DCAF1: variants seen among roughly 807,000 people sequenced by gnomAD.
The protein encoded by DCAF1 is DDB1- and CUL4-associated factor 1.
In DCAF1, 15 loss-of-function variants were observed where a neutral mutation model predicts 128.0. That is an observed-to-expected ratio of 0.12 (90% CI 0.08 to 0.18). DCAF1 has a LOEUF of 0.18. DCAF1 is among the 10% of genes least tolerant of loss of function. The probability of loss-of-function intolerance (pLI) is 1.00; values close to 1 mark genes in which losing one functional copy is unlikely to be tolerated. For missense variants in DCAF1, 988 were observed against 1,649.5 expected, an observed-to-expected ratio of 0.60 and a Z score of 6.95; for synonymous variants, 610 against 603.0, an observed-to-expected ratio of 1.01 and a Z score of -0.17.
chr3:51,434,836 G>A (rs1487460930), intron 9 of DCAF1, among the ~76,000 whole-genome samples: 1 of 149,064 alleles, frequency 6.7e-6, no homozygotes, highest in Non-Finnish European at 1.5e-5. Context: ...AATGTTATGG[G>A]CAAAGAGTAT....
At chr3:51,460,288 C>A (rs1553644090) in intron 6 of DCAF1, among the ~76,000 whole-genome samples, 1 of 152,162 alleles carries the variant, frequency 6.6e-6, no homozygotes, top group African/African-American at 2.4e-5. Flanking sequence ...AGAGCCAAAT[C>A]ATGAGTGAAC....
At chr3:51,404,608 T>G (rs1190717905) in intron 23 of DCAF1, among the ~76,000 whole-genome samples, 1 of 152,226 alleles carries the variant, frequency 6.6e-6, no homozygotes, top group African/African-American at 2.4e-5. Context: ...TTAGTGACTT[T>G]TTGATAAACT....
chr3:51,487,666 C>G (rs1410828949), intron 2 of DCAF1, among the ~76,000 whole-genome samples: 1 of 151,716 alleles, frequency 6.6e-6, no homozygotes, highest in Non-Finnish European at 1.5e-5. Flanking sequence ...CTTCCTTTTT[C>G]TTCTCTCCTC....
chr3:51,477,588 C>T (rs182097029), intron 3 of DCAF1, among the ~76,000 whole-genome samples: 25 of 152,098 alleles, frequency 1.6e-4, no homozygotes, highest in African/African-American at 5.3e-4. Context: ...GATCACAACA[C>T]TGTACTCCAG....
At chr3:51,497,913 G>A (rs2108609769) in intron 1 of DCAF1, among the ~76,000 whole-genome samples, 1 of 151,846 alleles carries the variant, frequency 6.6e-6, no homozygotes, top group East Asian at 1.9e-4. Context: ...AGCCGGGCGT[G>A]GTGGCAGGCA....
At chr3:51,492,248 C>T (rs540725871) in intron 2 of DCAF1, among the ~76,000 whole-genome samples, 1 of 151,874 alleles carries the variant, frequency 6.6e-6, no homozygotes, top group Non-Finnish European at 1.5e-5. Context: ...GAAAATGGGC[C>T]GAGTGCTGTG....
At chr3:51,399,075 C>A (rs2089445758) in intron 24 of DCAF1, among the ~76,000 whole-genome samples, 1 of 152,218 alleles carries the variant, frequency 6.6e-6, no homozygotes, top group African/African-American at 2.4e-5. Context: ...CTGCTTCCTG[C>A]CTGGGAGGCG....
upstream of DCAF1, among the ~76,000 whole-genome samples, chr3:51,500,413 C>A (rs1456891608): frequency 6.6e-6 from 1 of 152,156 alleles, no homozygotes; most frequent in Non-Finnish European, 1.5e-5. Context: ...GCGCAAAGAG[C>A]CTCTGTTTTA....
chr3:51,457,131 T>C (rs1577209373), intron 6 of DCAF1, among the ~76,000 whole-genome samples: 1 of 151,900 alleles, frequency 6.6e-6, no homozygotes, highest in East Asian at 1.9e-4. Flanking sequence ...CAGGAGGAAA[T>C]TCGAACCAAT....
chr3:51,456,749 G>C (rs915190310), intron 6 of DCAF1, among the ~76,000 whole-genome samples: 14 of 152,276 alleles, frequency 9.2e-5, no homozygotes, highest in Non-Finnish European at 2.1e-4. Context: ...AGCATCTGTG[G>C]TTCACCAATA....
At chr3:51,417,651 C>T (rs966088769) in intron 17 of DCAF1, among the ~76,000 whole-genome samples, 4 of 151,254 alleles carry the variant, frequency 2.6e-5, no homozygotes, top group Admixed American at 2.6e-4. Flanking sequence ...ACCCGGGAGG[C>T]GGAGCTTGCA....
intron 6 of DCAF1, among the ~76,000 whole-genome samples, chr3:51,459,149 T>C (rs1172423754): frequency 6.6e-6 from 1 of 152,050 alleles, no homozygotes; most frequent in Admixed American, 6.5e-5. Context: ...ATCAACAAAA[T>C]TGATAGACCG....
intron 13 of DCAF1, among the ~76,000 whole-genome samples, chr3:51,422,900 A>T (rs904213876): frequency 2.7e-5 from 4 of 147,820 alleles, no homozygotes; most frequent in Admixed American, 6.8e-5. Flanking sequence ...CTTTTTCTAT[A>T]AAAAAAAAAT....
intron 9 of DCAF1, among the ~76,000 whole-genome samples, chr3:51,434,048 C>G (rs1185340259): frequency 6.6e-6 from 1 of 150,488 alleles, no homozygotes. Context: ...CACCACTGCA[C>G]TGCAGCCTGG....
At chr3:51,466,755 A>G in intron 5 of DCAF1, 48 bp downstream of exon 5, 1 of 1,569,152 alleles carries the variant, frequency 6.4e-7, no homozygotes, top group Non-Finnish European at 8.8e-7. Flanking sequence ...ATAAAGATAC[A>G]GCATCTACAG....
intron 6 of DCAF1, among the ~76,000 whole-genome samples, chr3:51,454,905 C>T (rs1019225971): frequency 6.6e-6 from 1 of 151,044 alleles, no homozygotes; most frequent in African/African-American, 2.4e-5. Context: ...GATCTCCTAA[C>T]CTCGTGATCT....
chr3:51,413,864 T>A (rs1242922755), intron 20 of DCAF1, 86 bp downstream of exon 20: 10 of 1,325,846 alleles, frequency 7.5e-6, no homozygotes, highest in Middle Eastern at 3.9e-4. Context: ...AATTCACAAG[T>A]GAGAGATGGT....
chr3:51,459,418 G>C (rs200241089), intron 6 of DCAF1, among the ~76,000 whole-genome samples: 111 of 144,920 alleles, frequency 7.7e-4, no homozygotes, highest in East Asian at 1.2e-3. Flanking sequence ...ATAATCAATA[G>C]CTTACCAACC....
chr3:51,488,351 A>T (rs1330384293), intron 2 of DCAF1, among the ~76,000 whole-genome samples: 6 of 152,200 alleles, frequency 3.9e-5, no homozygotes, highest in Admixed American at 1.3e-4. Flanking sequence ...AAAATCCTCA[A>T]CAAAATACTA....
Sources: allele counts gnomAD v4.1 joint callset (sites outside exome capture counted in the v4.1 genomes callset), GRCh38; gene constraint gnomAD v4.1.1; transcripts MANE v1.5; gene names NCBI Gene and HGNC (gene_info 2026-07-23, HGNC 2026-07-21).